The following SET variants were observed in gnomAD, a reference collection of about 807,000 sequenced individuals.
SET encodes the protein SET nuclear proto-oncogene.
SET carries 4 observed loss-of-function variants against 39.0 expected under a neutral mutation model. The observed-to-expected ratio is 0.10, with a 90% CI of 0.05 to 0.23. The LOEUF is 0.23. Among genes scored for constraint, SET ranks in the 10% least tolerant of loss-of-function variants. The probability of loss-of-function intolerance (pLI) is 1.00; values close to 1 mark genes in which losing one functional copy is unlikely to be tolerated. For missense variants in SET, 137 were observed against 329.7 expected (o/e 0.42, Z 4.53); for synonymous variants, 114 against 115.9 (o/e 0.98, Z 0.11).
rs1045238911 is a variant in SET at position 128,689,464 on chromosome 9, G to A, written c.-119G>A. Reference sequence around the variant, plus strand: ...AGGGAGAGCGAGCGAGCGCCGGGAGGAGGCGGCCGGACCGAGCGGGCGCCC... The same window carrying A: ...AGGGAGAGCGAGCGAGCGCCGGGAGAAGGCGGCCGGACCGAGCGGGCGCCC... On this transcript the variant is annotated 5_prime_UTR_variant, in exon 1 of 8. Coordinates refer to ENST00000322030, the MANE Select transcript of SET (RefSeq NM_003011.4). The A allele has an allele frequency of 1.0e-4, 61 of 607,740 alleles. No homozygotes were observed. The highest frequency in any genetic ancestry group is 1.3e-4 in the Non-Finnish European group (59 of 442,224). 37.6% of individuals were successfully genotyped at this position (607,740 alleles called of 1,614,324 possible). A position where few individuals can be genotyped will look rare whatever the true frequency, so the allele number is the denominator to read the frequency against.
rs1861732798 is a variant in SET, at chr9:128,696,178, T to C, written c.*1514T>C. 4.7e-6 allele frequency: 1 copy of C among 211,588 alleles called. No homozygotes were observed. The highest frequency in any genetic ancestry group is 5.8e-5 in the Admixed American group (1 of 17,240). 13.1% of individuals were successfully genotyped at this position (211,588 alleles called of 1,614,324 possible). A position where few individuals can be genotyped will look rare whatever the true frequency, so the allele number is the denominator to read the frequency against. On this transcript the variant is annotated 3_prime_UTR_variant, in exon 8 of 8. Transcript: ENST00000322030. ...TATAGTCGCTGAAATTAAATGCCAC[T>C]TTTTCAGAGGTGAATTAATGGACAG...
At chr9:128,686,740 G>A (rs1861296428), upstream of SET, among the ~76,000 whole-genome samples, 1 of 152,114 alleles carries the variant, frequency 6.6e-6, no homozygotes, top group Non-Finnish European at 1.5e-5. Context: ...GGAAGGCTGA[G>A]GCTGAAGGAT....
At position 128,691,858 on chromosome 9, in the gene SET, A is replaced by G; in HGVS notation, c.132A>G (p.Arg44=). The G allele has an allele frequency of 1.2e-6, 2 of 1,610,478 alleles. No homozygotes were observed. Among genetic ancestry groups the G allele is most frequent in the Non-Finnish European group, 1.7e-6 (2 of 1,178,436 alleles). Residue 44 remains arginine (R), a splice_region_variant and synonymous_variant, in exon 3 of 8, where the codon AGA becomes AGG. Transcript: ENST00000322030. Reference sequence around the variant, plus strand: ...CAACATCTCTTTTCATTTGCTTCAGACTTAATGAACAAGCCAGTGAGGAGA... The same window carrying G: ...CAACATCTCTTTTCATTTGCTTCAGGCTTAATGAACAAGCCAGTGAGGAGA... ...HIDEVQNEID[R]LNEQASEEIL... is the part of the protein sequence containing the mutation.
chr9:128,695,602 C>T lies in SET; in HGVS notation c.*938C>T, dbSNP rs1252556369. 2 of 224,204 alleles carry T rather than the reference C, an allele frequency of 8.9e-6. No homozygotes were observed. The highest frequency in any genetic ancestry group is 2.2e-5 in the African/African-American group (1 of 44,982). 13.9% of individuals were successfully genotyped at this position (224,204 alleles called of 1,614,324 possible). On this transcript the variant is annotated 3_prime_UTR_variant, in exon 8 of 8. Coordinates refer to ENST00000322030, the MANE Select transcript of SET (RefSeq NM_003011.4). Reference sequence around the variant, plus strand: ...CTTCCAAGTTTGACTTGTATAACATCACTGTCAAACTTTGTCACCCTAACT... The same window carrying T: ...CTTCCAAGTTTGACTTGTATAACATTACTGTCAAACTTTGTCACCCTAACT...
In SET at chr9:128,695,758, GTA is replaced by G. The variant is rs1861713799; in HGVS notation, c.*1096_*1097del. On this transcript the variant is annotated 3_prime_UTR_variant, in exon 8 of 8. Transcript: ENST00000322030. ...TTCAATTTGCCATTGGTTTCTGAAA[GTA>G]TTCACATCATTTGGGATACCAGATA... is the stretch of plus-strand genomic sequence containing the variant. 4.4e-6 allele frequency: 1 copy of G among 227,456 alleles called. No homozygotes were observed. The highest frequency in any genetic ancestry group is 5.7e-5 in the Admixed American group (1 of 17,650). 14.1% of individuals were successfully genotyped at this position (227,456 alleles called of 1,614,324 possible). A position where few individuals can be genotyped will look rare whatever the true frequency, so the allele number is the denominator to read the frequency against.
chr9:128,685,952 C>T (rs1323291775), upstream of SET, among the ~76,000 whole-genome samples: 2 of 151,528 alleles, frequency 1.3e-5, no homozygotes, highest in Admixed American at 6.6e-5. Context: ...GCTTGAACTC[C>T]GGAGGCGGAG....
rs537403951 is a variant in SET at position 128,691,123 on chromosome 9, C to G, written c.74-47C>G. ...TATTATAGTATTAACATCTGGAAAACTAGGTAAATTTATCTTAGAATTAAG... is the reference window on the plus strand; with the variant it reads ...TATTATAGTATTAACATCTGGAAAAGTAGGTAAATTTATCTTAGAATTAAG... On this transcript the variant is annotated intron_variant, in intron 1 of 7. Coordinates refer to ENST00000322030, the MANE Select transcript of SET (RefSeq NM_003011.4). 3 of 1,438,694 alleles carry G rather than the reference C, an allele frequency of 2.1e-6. No individual in the cohort carries two copies. In the South Asian group the frequency reaches 3.5e-5, roughly 17 times the overall value. The allele number at this position is 1,438,694 out of a possible 1,614,324, so 89.1% of individuals were successfully genotyped here.
At chr9:128,688,556 G>A (rs1013563189), upstream of SET, among the ~76,000 whole-genome samples, 1 of 152,192 alleles carries the variant, frequency 6.6e-6, no homozygotes, top group Non-Finnish European at 1.5e-5. Flanking sequence ...GCCTTCACAG[G>A]ACTTCGAGTT....
At chr9:128,688,203 T>G (rs1861354396), upstream of SET, among the ~76,000 whole-genome samples, 1 of 152,182 alleles carries the variant, frequency 6.6e-6, no homozygotes, top group African/African-American at 2.4e-5. Flanking sequence ...AGAGCAAGAC[T>G]CCCGTCTCAA....
upstream of SET, chr9:128,689,083 C>G (rs1475243856): frequency 1.2e-5 from 2 of 170,264 alleles, no homozygotes; most frequent in East Asian, 1.9e-4. Context: ...CCTCCCACCT[C>G]TCGCCGGGCC....
rs148209973 is a variant in SET at position 128,691,951 on chromosome 9, C to T, written c.225C>T (p.Ile75=). Residue 75 remains isoleucine, a synonymous_variant, in exon 3 of 8, where the codon ATC becomes ATT. Coordinates refer to ENST00000322030, the MANE Select transcript of SET (RefSeq NM_003011.4). The part of the protein sequence containing the change: ...QPFFQKRSEL[I]AKIPNFWVTT... ...TTTTTCAGAAGAGGTCAGAATTGAT[C>T]GCCAAAATCCCAAATTTTTGGGTAA... The T allele has an allele frequency of 2.5e-5, 40 of 1,613,716 alleles. No homozygotes were observed. In the Admixed American group the frequency reaches 4.0e-4, roughly 16 times the overall value.
chr9:128,691,268 A>T (rs762899984), intron 2 of SET, 41 bp downstream of exon 2: 4 of 1,236,118 alleles, frequency 3.2e-6, no homozygotes, highest in Non-Finnish European at 4.7e-6. Flanking sequence ...ATTTTCTGAG[A>T]TGTGTCTAAT....
upstream of SET, among the ~76,000 whole-genome samples, chr9:128,688,611 A>G (rs749751317): frequency 2.6e-4 from 39 of 152,156 alleles, no homozygotes; most frequent in Non-Finnish European, 5.0e-4. Context: ...CATAACAGAA[A>G]CGGGTTCAGA....
intron 5 of SET, 39 bp downstream of exon 5, chr9:128,693,020 G>A (rs1443200274): frequency 7.3e-7 from 1 of 1,366,246 alleles, no homozygotes; most frequent in Admixed American, 1.8e-5. Flanking sequence ...ATAGCATTTT[G>A]CCTATTTCAG....
At chr9:128,687,440 C>G (rs928760013), upstream of SET, among the ~76,000 whole-genome samples, 1 of 151,976 alleles carries the variant, frequency 6.6e-6, no homozygotes, top group African/African-American at 2.4e-5. Flanking sequence ...AAACCTGTCT[C>G]TACCAAAAAA....
At chr9:128,683,880 G>C in exon 1 of SET, 1 of 1,545,184 alleles carries the variant, frequency 6.5e-7, no homozygotes, top group South Asian at 1.2e-5. Flanking sequence ...TCTGGTTCTG[G>C]GACTTCCCTA....
Position 128,695,425 on chromosome 9 carries a change from A to G in SET, c.*761A>G, listed in dbSNP as rs184069752. On this transcript the variant is annotated 3_prime_UTR_variant, in exon 8 of 8. Coordinates refer to ENST00000322030, the MANE Select transcript of SET (RefSeq NM_003011.4). ...CTCTATTGTAATTTTGTTCCTGTTTATTTTTAAATTTTCTTTTTGTTTCAC... is the reference window on the plus strand; with the variant it reads ...CTCTATTGTAATTTTGTTCCTGTTTGTTTTTAAATTTTCTTTTTGTTTCAC... 254 of 222,322 alleles carry G rather than the reference A, an allele frequency of 1.1e-3. 1 individual carries two copies. Among genetic ancestry groups the G allele is most frequent in the Middle Eastern group, 1.4e-3 (1 of 706 alleles). The allele number at this position is 222,322 out of a possible 1,614,324, so 13.8% of individuals were successfully genotyped here. A position where few individuals can be genotyped will look rare whatever the true frequency, so the allele number is the denominator to read the frequency against.
At chr9:128,690,037 A>G in intron 1 of SET, 1 of 1,010,142 alleles carries the variant, frequency 9.9e-7, no homozygotes, top group African/African-American at 1.8e-5. Context: ...GTGCGGCCGG[A>G]CGCGGCCCCG....
upstream of SET, chr9:128,684,988 T>C: frequency 2.1e-6 from 3 of 1,424,548 alleles, no homozygotes; most frequent in East Asian, 2.5e-5. Flanking sequence ...TAGGGGAGGG[T>C]TGTGGTGGAG....
Sources: allele counts gnomAD v4.1 joint callset (sites outside exome capture counted in the v4.1 genomes callset), GRCh38; gene constraint gnomAD v4.1.1; transcripts MANE v1.5; gene names NCBI Gene and HGNC (gene_info 2026-07-23, HGNC 2026-07-21).